Variants in PRKCQ observed in about 807,000 individuals in gnomAD.
The protein encoded by PRKCQ is protein kinase C theta, also known as protein kinase C theta type.
A neutral mutation model predicts 91.2 loss-of-function variants in PRKCQ; 41 were observed. The ratio of observed to expected loss-of-function variants is 0.45; its 90% CI spans 0.35 to 0.58. The LOEUF (loss-of-function observed/expected upper bound fraction) is 0.58. PRKCQ is among the 20% of genes least tolerant of loss of function. The probability of loss-of-function intolerance (pLI) is 0.00; values close to 1 mark genes in which losing one functional copy is unlikely to be tolerated. For synonymous variants in PRKCQ, 307 were observed against 316.9 expected (o/e 0.97, Z 0.33); for missense variants, 673 against 896.5 (o/e 0.75, Z 3.18).
chr10:6,559,716 T>C lies in PRKCQ; in HGVS notation c.-10+20495A>G, dbSNP rs114595554. Among the ~76,000 whole-genome samples the C allele has an allele frequency of 7.6e-3, 1,154 of 152,154 alleles. 13 individuals are homozygous for C. The highest frequency in any genetic ancestry group is 0.027 in the African/African-American group (1,115 of 41,542). On this transcript the variant is annotated intron_variant, in intron 1 of 17. Coordinates refer to ENST00000263125, the MANE Select transcript of PRKCQ (RefSeq NM_006257.5). ...CAGCAAGTACAATATCAGATATTTT[T>C]CTTCACTCTCCATCAAAAAAGGAAA...
At chr10:6,548,585 G>T (rs1420552609) in intron 1 of PRKCQ, among the ~76,000 whole-genome samples, 1 of 147,550 alleles carries the variant, frequency 6.8e-6, no homozygotes, top group African/African-American at 2.5e-5. Context: ...CCTTTGTAGG[G>T]ACATGGATGA....
chr10:6,556,433 GGAAAAAAAA>G (rs1840418146), intron 1 of PRKCQ, among the ~76,000 whole-genome samples: 6 of 93,448 alleles, frequency 6.4e-5, no homozygotes, highest in East Asian at 3.3e-4. Flanking sequence ...CCCTGTCTTG[GGAAAAAAAA>G]AAAAAAAAAA....
intron 1 of PRKCQ, among the ~76,000 whole-genome samples, chr10:6,563,597 G>A (rs72783726): frequency 0.06 from 9,196 of 152,202 alleles, 374 homozygotes; most frequent in Middle Eastern, 0.1. Context: ...TAAGCCCACC[G>A]CTTTGTTCCT....
intron 14 of PRKCQ, among the ~76,000 whole-genome samples, chr10:6,461,408 A>G (rs944980053): frequency 6.6e-6 from 1 of 152,256 alleles, no homozygotes; most frequent in Non-Finnish European, 1.5e-5. Flanking sequence ...GAGTTTTAAA[A>G]TAATATTCTG....
intron 12 of PRKCQ, among the ~76,000 whole-genome samples, chr10:6,467,782 G>A (rs1835766984): frequency 6.6e-6 from 1 of 152,194 alleles, no homozygotes; most frequent in Admixed American, 6.5e-5. Context: ...GAAAATGAGA[G>A]AGTCACCATT....
rs1483779938 is a variant in PRKCQ, at chr10:6,465,368, G to A, written c.1354-964C>T. Among the ~76,000 whole-genome samples the A allele has an allele frequency of 6.6e-6, 1 of 152,184 alleles. No individual in the cohort carries two copies. The highest frequency in any genetic ancestry group is 2.4e-5 in the African/African-American group (1 of 41,444). On this transcript the variant is annotated intron_variant, in intron 12 of 17. Transcript: ENST00000263125. The surrounding 1 kb of genome is among the most constrained non-coding windows in gnomAD (Gnocchi z 4.4). ...ATGTCAGTAGAGCTGGGGCCCTCGA[G>A]TGGCCACAGTCAGAAGTAGGGCTGG... is the stretch of plus-strand genomic sequence containing the variant.
intron 1 of PRKCQ, among the ~76,000 whole-genome samples, chr10:6,536,195 C>T (rs1300329250): frequency 6.6e-6 from 1 of 152,230 alleles, no homozygotes; most frequent in Non-Finnish European, 1.5e-5. Flanking sequence ...AATCCCCCAC[C>T]TGCACTGAGC....
Position 6,534,801 on chromosome 10 carries a change from T to G in PRKCQ, c.-9-19657A>C, listed in dbSNP as rs542861475. Reference sequence around the variant, plus strand: ...ATATATATATATATATAGATATATATATATATATATAAACTCATTACAAAG... The same window carrying G: ...ATATATATATATATATAGATATATAGATATATATATAAACTCATTACAAAG... On this transcript the variant is annotated intron_variant, in intron 1 of 17. Coordinates refer to ENST00000263125, the MANE Select transcript of PRKCQ (RefSeq NM_006257.5). Among the ~76,000 whole-genome samples, 34 of 144,140 alleles carry G rather than the reference T, an allele frequency of 2.4e-4. No homozygotes were observed. The South Asian group carries it at 4.5e-3, about 19-fold the overall frequency. The allele number at this position is 144,140 out of a possible 152,430, so 94.6% of individuals were successfully genotyped here.
At chr10:6,416,283 C>T in the PRKCQ span, among the ~76,000 whole-genome samples, 4,318 of 151,848 alleles carry the variant, frequency 0.028, 193 homozygotes, top group African/African-American at 0.098. Context: ...CGTTCTTTAG[C>T]GGTGATTTCT....
chr10:6,467,686 G>T (rs965287801), intron 12 of PRKCQ, among the ~76,000 whole-genome samples: 7 of 152,190 alleles, frequency 4.6e-5, no homozygotes, highest in African/African-American at 1.7e-4. Flanking sequence ...TGAGAAATGA[G>T]ACTGTCGCTA....
chr10:6,566,889 G>T (rs1640740071), intron 1 of PRKCQ, among the ~76,000 whole-genome samples: 1 of 152,034 alleles, frequency 6.6e-6, no homozygotes, highest in African/African-American at 2.4e-5. Flanking sequence ...GGAGTGCTTA[G>T]GGCTCTCAAT....
chr10:6,400,104 A>G, the PRKCQ span, among the ~76,000 whole-genome samples: 3 of 152,334 alleles, frequency 2.0e-5, no homozygotes, highest in East Asian at 1.9e-4. Flanking sequence ...AGATTGCCCA[A>G]GTTAGAATGG....
At chr10:6,445,810 T>C (rs1438081503) in intron 15 of PRKCQ, among the ~76,000 whole-genome samples, 1 of 152,228 alleles carries the variant, frequency 6.6e-6, no homozygotes, top group East Asian at 1.9e-4. Context: ...ATGCACCTAA[T>C]ACAATCTTTG....
intron 1 of PRKCQ, among the ~76,000 whole-genome samples, chr10:6,579,645 TTTTC>T (rs1841381819): frequency 2.9e-5 from 1 of 34,842 alleles, no homozygotes; most frequent in African/African-American, 1.4e-4. Flanking sequence ...GCACGCAGAT[TTTTC>T]TTTTTTTTTT....
intron 1 of PRKCQ, among the ~76,000 whole-genome samples, chr10:6,579,690 C>G (rs1424931914): frequency 1.3e-4 from 20 of 151,674 alleles, no homozygotes; most frequent in Admixed American, 1.3e-3. Flanking sequence ...ACCTGCCTCC[C>G]CCTCCCCCAG....
chr10:6,560,632 G>A (rs1361500888), intron 1 of PRKCQ, among the ~76,000 whole-genome samples: 1 of 152,134 alleles, frequency 6.6e-6, no homozygotes, highest in Non-Finnish European at 1.5e-5. Context: ...CATACTCAGT[G>A]AATTGTTCAG....
intron 4 of PRKCQ, among the ~76,000 whole-genome samples, chr10:6,504,459 CT>C (rs1838081247): frequency 2.0e-5 from 3 of 152,336 alleles, no homozygotes; most frequent in Admixed American, 2.0e-4. Context: ...CATATTCTTG[CT>C]CAAGCCTTCA....
chr10:6,522,920 CT>C, intron 1 of PRKCQ, among the ~76,000 whole-genome samples: 1 of 152,076 alleles, frequency 6.6e-6, no homozygotes, highest in Non-Finnish European at 1.5e-5. Flanking sequence ...ACACCAATAG[CT>C]TTTGCATTTC....
At chr10:6,536,596 C>T (rs966012015) in intron 1 of PRKCQ, among the ~76,000 whole-genome samples, 6 of 152,190 alleles carry the variant, frequency 3.9e-5, no homozygotes, top group South Asian at 2.1e-4. Flanking sequence ...CTTCTTCTTC[C>T]GCTCCCCTTC....
Sources: gnomAD v4.1 joint callset for allele counts (sites outside exome capture counted in the v4.1 genomes callset) on GRCh38, gnomAD v4.1.1 for gene constraint, Gnocchi (gnomAD v3.1) non-coding constraint, MANE v1.5 for transcripts, NCBI Gene and HGNC (gene_info 2026-07-23, HGNC 2026-07-21) for gene names.